CLECL1: variants seen among roughly 807,000 people sequenced by gnomAD.
CLECL1 encodes the protein C-type lectin-like domain family 1.
downstream of CLECL1, among the ~76,000 whole-genome samples, chr12:9,713,549 T>C (rs2121033497): frequency 6.6e-6 from 1 of 152,386 alleles, no homozygotes. Context: ...AAACAGGTAC[T>C]GAGTATAAAA....
chr12:9,719,776 G>A (rs1003337572), downstream of CLECL1, among the ~76,000 whole-genome samples: 3 of 152,258 alleles, frequency 2.0e-5, no homozygotes, highest in South Asian at 2.1e-4. Flanking sequence ...TTTGTGATTT[G>A]TTCTTGCTGT....
the CLECL1 span, among the ~76,000 whole-genome samples, chr12:9,703,105 C>G: frequency 6.6e-6 from 1 of 152,190 alleles, no homozygotes. Context: ...TTTTAACGTT[C>G]CAAAGTTCTC....
At chr12:9,707,629 A>G in the CLECL1 span, among the ~76,000 whole-genome samples, 2 of 151,970 alleles carry the variant, frequency 1.3e-5, no homozygotes, top group African/African-American at 4.8e-5. Flanking sequence ...AGCAAGCCAC[A>G]CCCCCATCAC....
chr12:9,729,793 C>G (rs1177118404), intron 1 of CLECL1, among the ~76,000 whole-genome samples: 1 of 151,692 alleles, frequency 6.6e-6, no homozygotes, highest in East Asian at 1.9e-4. Flanking sequence ...TACTTTCCTT[C>G]GAAATATGTA....
chr12:9,733,219 C>G, upstream of CLECL1: 1 of 1,613,056 alleles, frequency 6.2e-7, no homozygotes, highest in Middle Eastern at 1.7e-4. Flanking sequence ...ATCAAGGTAG[C>G]AGATTTCTCG....
chr12:9,727,138 A>G (rs1219482665), intron 3 of CLECL1, among the ~76,000 whole-genome samples: 1 of 151,852 alleles, frequency 6.6e-6, no homozygotes, highest in Non-Finnish European at 1.5e-5. Flanking sequence ...ATATGCAAAT[A>G]CATTCATACG....
chr12:9,725,466 C>T (rs1866368503), intron 3 of CLECL1, among the ~76,000 whole-genome samples: 2 of 151,954 alleles, frequency 1.3e-5, no homozygotes, highest in African/African-American at 4.8e-5. Flanking sequence ...TTAATGAAAA[C>T]TATAAAAACT....
chr12:9,715,841 C>G (rs766189984), downstream of CLECL1: 1 of 152,474 alleles, frequency 6.6e-6, no homozygotes, highest in African/African-American at 2.4e-5. Flanking sequence ...CCCTCACCAT[C>G]TCAGTTTTTC....
intron 1 of CLECL1, among the ~76,000 whole-genome samples, chr12:9,732,177 C>G (rs927621767): frequency 2.0e-5 from 3 of 152,004 alleles, no homozygotes; most frequent in African/African-American, 7.3e-5. Flanking sequence ...GAAATACGAA[C>G]AAAGTAGCAG....
downstream of CLECL1, among the ~76,000 whole-genome samples, chr12:9,714,235 A>AT (rs778561323): frequency 1.1e-4 from 17 of 152,060 alleles, no homozygotes; most frequent in South Asian, 2.1e-4. Context: ...GTATTGTATG[A>AT]TTTTTTCAGG....
intron 2 of CLECL1, among the ~76,000 whole-genome samples, chr12:9,728,125 G>C (rs1866401786): frequency 6.6e-6 from 1 of 151,746 alleles, no homozygotes; most frequent in Non-Finnish European, 1.5e-5. Context: ...ATATGAGATA[G>C]AGTTAGCCCA....
upstream of CLECL1, among the ~76,000 whole-genome samples, chr12:9,733,555 C>A (rs1345953490): frequency 2.0e-5 from 3 of 152,004 alleles, no homozygotes; most frequent in Admixed American, 2.0e-4. Context: ...CTAGATAATA[C>A]CTTAAAAATT....
At chr12:9,712,380 T>G (rs944530150), downstream of CLECL1, among the ~76,000 whole-genome samples, 4 of 152,250 alleles carry the variant, frequency 2.6e-5, no homozygotes, top group African/African-American at 9.6e-5. Flanking sequence ...AGTTACTATA[T>G]GATGAGGCTC....
upstream of CLECL1, chr12:9,733,055 G>C: frequency 6.2e-7 from 1 of 1,614,100 alleles, no homozygotes; most frequent in Non-Finnish European, 8.5e-7. Flanking sequence ...AGAGAGAGAA[G>C]ACCACAAATG....
At chr12:9,713,539 A>C (rs1866213527), downstream of CLECL1, among the ~76,000 whole-genome samples, 1 of 152,192 alleles carries the variant, frequency 6.6e-6, no homozygotes, top group Non-Finnish European at 1.5e-5. Flanking sequence ...TTTTTTCTTA[A>C]AACAGGTACT....
At chr12:9,723,439 CAG>C (rs1478502320) in intron 3 of CLECL1, among the ~76,000 whole-genome samples, 25 of 7,866 alleles carry the variant, frequency 3.2e-3, no homozygotes, top group Admixed American at 2.1e-3. Flanking sequence ...CAGAGACAGA[CAG>C]ACACACACAC....
At chr12:9,710,205 A>G in the CLECL1 span, among the ~76,000 whole-genome samples, 1 of 152,164 alleles carries the variant, frequency 6.6e-6, no homozygotes, top group African/African-American at 2.4e-5. Flanking sequence ...ACCCATGCAT[A>G]CTTAACCTTA....
downstream of CLECL1, among the ~76,000 whole-genome samples, chr12:9,713,765 A>G (rs1866214987): frequency 6.6e-6 from 1 of 152,218 alleles, no homozygotes; most frequent in Admixed American, 6.5e-5. Context: ...ATTTGGAGAA[A>G]TACAGGTGTC....
chr12:9,708,687 G>A, the CLECL1 span, among the ~76,000 whole-genome samples: 17 of 152,240 alleles, frequency 1.1e-4, no homozygotes, highest in South Asian at 1.5e-3. Flanking sequence ...CCTATTCTCC[G>A]GATTTTCTCT....
Sources: allele counts gnomAD v4.1 joint callset (sites outside exome capture counted in the v4.1 genomes callset), GRCh38; gene constraint gnomAD v4.1.1; transcripts MANE v1.5; gene names NCBI Gene and HGNC (gene_info 2026-07-23, HGNC 2026-07-21).